Variants in MYPN observed in about 807,000 individuals in gnomAD.
MYPN encodes the protein myopalladin.
In MYPN, 63 loss-of-function variants were observed where a neutral mutation model predicts 129.4. The observed-to-expected ratio is 0.49, with a 90% CI of 0.40 to 0.60. The LOEUF (loss-of-function observed/expected upper bound fraction) is 0.60, where lower values mean the gene tolerates loss of function less well. Among genes scored for constraint, MYPN ranks in the 20% least tolerant of loss-of-function variants. The pLI is 0.00. For missense variants in MYPN, 1,596 were observed against 1,635.4 expected (o/e 0.98, Z 0.42); for synonymous variants, 629 against 600.9 (o/e 1.05, Z -0.68).
chr10:68,155,822 C>T (rs2042863569), intron 6 of MYPN, among the ~76,000 whole-genome samples: 1 of 152,204 alleles, frequency 6.6e-6, no homozygotes, highest in Admixed American at 6.5e-5. Flanking sequence ...CCCTTGGCAC[C>T]TCCTTTACTG....
chr10:68,159,722 G>C (rs776760086), intron 7 of MYPN, among the ~76,000 whole-genome samples: 2 of 152,144 alleles, frequency 1.3e-5, no homozygotes, highest in Non-Finnish European at 2.9e-5. Flanking sequence ...AAAGAAATTT[G>C]CTAAAATGTT....
intron 2 of MYPN, among the ~76,000 whole-genome samples, chr10:68,131,314 A>G (rs1419848053): frequency 6.6e-6 from 1 of 151,650 alleles, no homozygotes; most frequent in Non-Finnish European, 1.5e-5. Flanking sequence ...GCTTGAACTC[A>G]GGATGTGGGG....
At chr10:68,206,994 A>G (rs1215479200) in intron 19 of MYPN, 91 bp downstream of exon 19, 1 of 1,498,720 alleles carries the variant, frequency 6.7e-7, no homozygotes, top group East Asian at 2.5e-5. Context: ...AAGGTGGCTC[A>G]TGCCTGTAAT....
At chr10:68,103,359 T>G (rs913588034), upstream of MYPN, among the ~76,000 whole-genome samples, 1 of 152,196 alleles carries the variant, frequency 6.6e-6, no homozygotes, top group Non-Finnish European at 1.5e-5. Flanking sequence ...TTCCCAGAAG[T>G]GTGTATTAGC....
intron 1 of MYPN, among the ~76,000 whole-genome samples, chr10:68,092,574 T>C (rs1251328132): frequency 6.6e-6 from 1 of 152,126 alleles, no homozygotes; most frequent in African/African-American, 2.4e-5. Flanking sequence ...TCCTTATAAA[T>C]ACAGGAATGC....
chr10:68,166,627 C>T lies in MYPN; in HGVS notation c.1934C>T (p.Pro645Leu), dbSNP rs1343661032. 2.5e-6 allele frequency: 4 copies of T among 1,614,064 alleles called. No individual in the cohort carries two copies. Among genetic ancestry groups the T allele is most frequent in the Non-Finnish European group, 3.4e-6 (4 of 1,180,012 alleles). Reference sequence around the variant, plus strand: ...ACAAAAACCCCAGAGCCTTCTTCCCCCGTGAAAGAGCCCCCTCCAGTTCTG... The same window carrying T: ...ACAAAAACCCCAGAGCCTTCTTCCCTCGTGAAAGAGCCCCCTCCAGTTCTG... Reference protein sequence around the residue: ...QATKTPEPSSPVKEPPPVLAK... With the variant: ...QATKTPEPSSLVKEPPPVLAK... Residue 645 changes from proline to leucine, a missense_variant, in exon 10 of 20, where the codon CCC becomes CTC. By Grantham distance (98) the Pro-to-Leu change is moderately conservative (BLOSUM62 -3). Coordinates refer to ENST00000358913, the MANE Select transcript of MYPN (RefSeq NM_032578.4).
At chr10:68,100,084 T>C (rs1411489331) in intron 1 of MYPN, among the ~76,000 whole-genome samples, 1 of 152,194 alleles carries the variant, frequency 6.6e-6, no homozygotes, top group East Asian at 1.9e-4. Context: ...TAAAGTATGC[T>C]TCCTAAGTCT....
Position 68,166,397 on chromosome 10 carries a change from A to T in MYPN, c.1704A>T (p.Pro568=). 1 of 1,614,052 alleles carries T rather than the reference A, an allele frequency of 6.2e-7. No individual in the cohort carries two copies. The highest frequency in any genetic ancestry group is 8.5e-7 in the Non-Finnish European group (1 of 1,180,030). ...PQPSPPHSEP[P]SVEQPPKPKL... ...CCTCCCCACCCCACTCAGAGCCTCC[A>T]TCTGTGGAACAACCCCCCAAACCCA... Residue 568 remains proline (P), a synonymous_variant, in exon 10 of 20, where the codon CCA becomes CCT. Transcript: ENST00000358913.
chr10:68,194,320 A>G (rs960417041), intron 13 of MYPN, 43 bp from the exon 14 acceptor site: 1 of 1,606,854 alleles, frequency 6.2e-7, no homozygotes, highest in African/African-American at 1.3e-5. Context: ...TAACCTCTAA[A>G]GATAAACAAA....
chr10:68,140,419 C>T (rs2042558381), intron 2 of MYPN, among the ~76,000 whole-genome samples: 1 of 151,918 alleles, frequency 6.6e-6, no homozygotes, highest in Non-Finnish European at 1.5e-5. Context: ...ACATTTACAA[C>T]CTAGGAAACT....
In MYPN at chr10:68,203,129, C is replaced by T. The variant is rs539704217; in HGVS notation, c.3659+1135C>T. On this transcript the variant is annotated intron_variant, in intron 18 of 19. Coordinates refer to ENST00000358913, the MANE Select transcript of MYPN (RefSeq NM_032578.4). ...CAGTCCTGGACTCTGAGGACCAGCT[C>T]GGTTTAGTCACCACTTCCTGGGGAA... Among the ~76,000 whole-genome samples, 100 of 152,168 alleles carry T rather than the reference C, an allele frequency of 6.6e-4. 1 individual carries two copies. Among genetic ancestry groups the T allele is most frequent in the African/African-American group, 2.4e-3 (98 of 41,514 alleles).
At chr10:68,128,514 C>G (rs2042359951) in intron 2 of MYPN, among the ~76,000 whole-genome samples, 1 of 152,116 alleles carries the variant, frequency 6.6e-6, no homozygotes, top group Admixed American at 6.5e-5. Flanking sequence ...ATTCATTCAT[C>G]CAACAAATAT....
At chr10:68,107,754 T>C (rs2042031097), upstream of MYPN, among the ~76,000 whole-genome samples, 1 of 152,220 alleles carries the variant, frequency 6.6e-6, no homozygotes. Flanking sequence ...TACCTTTTAG[T>C]ATGAGTCTCC....
intron 12 of MYPN, among the ~76,000 whole-genome samples, chr10:68,175,907 A>AT (rs2043220812): frequency 6.6e-6 from 1 of 152,038 alleles, no homozygotes; most frequent in East Asian, 1.9e-4. Flanking sequence ...GGCCCAGCTA[A>AT]TTTTTTTAAT....
chr10:68,109,634 C>T lies in MYPN; in HGVS notation c.-91C>T, dbSNP rs753003960. The T allele has an allele frequency of 2.2e-6, 1 of 454,088 alleles. No homozygotes were observed. Among genetic ancestry groups the T allele is most frequent in the Non-Finnish European group, 4.4e-6 (1 of 226,788 alleles). 28.1% of individuals were successfully genotyped at this position (454,088 alleles called of 1,614,324 possible). A position where few individuals can be genotyped will look rare whatever the true frequency, so the allele number is the denominator to read the frequency against. On this transcript the variant is annotated 5_prime_UTR_variant, in exon 1 of 20. Transcript: ENST00000358913. ...TGAAGAATTTCCCTCTTCTCCTGTG[C>T]TTTCATCTAAAAGTTCTCCCTGGAT...
At chr10:68,173,027 C>T (rs1040967877) in intron 10 of MYPN, among the ~76,000 whole-genome samples, 2 of 151,972 alleles carry the variant, frequency 1.3e-5, no homozygotes, top group Non-Finnish European at 2.9e-5. Context: ...GAGCCAAGAT[C>T]GCACTACTGC....
chr10:68,153,426 A>T (rs2042812155), intron 6 of MYPN, among the ~76,000 whole-genome samples: 1 of 152,230 alleles, frequency 6.6e-6, no homozygotes. Context: ...ATAAATAAAA[A>T]TAGGAAAATG....
chr10:68,186,421 G>A (rs1372873272), intron 12 of MYPN, among the ~76,000 whole-genome samples: 1 of 152,160 alleles, frequency 6.6e-6, no homozygotes, highest in Non-Finnish European at 1.5e-5. Flanking sequence ...CTTGAGTCCT[G>A]AACTCAGTTA....
rs77027638 is a variant in MYPN, at chr10:68,095,821, G to T, written c.-2+7829G>T. 0.01 allele frequency among the ~76,000 whole-genome samples: 1,598 copies of T among 152,218 alleles called. 46 individuals carry two copies. The East Asian group carries it at 0.11, about 11-fold the overall frequency. On this transcript the variant is annotated intron_variant, in intron 1 of 6. Transcript: ENST00000685154. ...AGGTTTAATTTTGCGAGATGAAAAAGATTCTGGAGGTGGGTGGTGACAATG... is the reference window on the plus strand; with the variant it reads ...AGGTTTAATTTTGCGAGATGAAAAATATTCTGGAGGTGGGTGGTGACAATG...
Sources: gnomAD v4.1 joint callset for allele counts (sites outside exome capture counted in the v4.1 genomes callset) on GRCh38, gnomAD v4.1.1 for gene constraint, MANE v1.5 for transcripts, NCBI Gene and HGNC (gene_info 2026-07-23, HGNC 2026-07-21) for gene names.